SLC9A9: variants seen among roughly 807,000 people sequenced by gnomAD.
SLC9A9 encodes solute carrier family 9 member A9.
In SLC9A9, 62 loss-of-function variants were observed where a neutral mutation model predicts 77.8. That is an observed-to-expected ratio of 0.80 (90% CI 0.65 to 0.98). The LOEUF (loss-of-function observed/expected upper bound fraction) is 0.98, where lower values mean the gene tolerates loss of function less well. Ranked by LOEUF, SLC9A9 falls within the 50% of genes least tolerant of loss-of-function variation. The pLI is 0.00. For synonymous variants in SLC9A9, 320 were observed against 283.5 expected, an observed-to-expected ratio of 1.13 and a Z score of -1.29; for missense variants, 775 against 774.9, an observed-to-expected ratio of 1.00 and a Z score of 0.00.
chr3:143,699,633 C>T (rs954285752), intron 4 of SLC9A9, among the ~76,000 whole-genome samples: 3 of 152,166 alleles, frequency 2.0e-5, no homozygotes, highest in Non-Finnish European at 4.4e-5. Flanking sequence ...AAGTATAAAA[C>T]CAGCCTTAGC....
chr3:143,426,656 A>T (rs909664815), intron 12 of SLC9A9, among the ~76,000 whole-genome samples: 1 of 152,222 alleles, frequency 6.6e-6, no homozygotes, highest in Non-Finnish European at 1.5e-5. Context: ...CTCAGGGTCA[A>T]GTAGGCATTG....
intron 4 of SLC9A9, among the ~76,000 whole-genome samples, chr3:143,757,671 T>G (rs1159730397): frequency 6.6e-6 from 1 of 152,142 alleles, no homozygotes; most frequent in Non-Finnish European, 1.5e-5. Flanking sequence ...CCCCACCTAC[T>G]TATCCAGGGT....
At chr3:143,593,866 A>G (rs1424260573) in intron 6 of SLC9A9, among the ~76,000 whole-genome samples, 1 of 152,230 alleles carries the variant, frequency 6.6e-6, no homozygotes, top group African/African-American at 2.4e-5. Flanking sequence ...TGGGAAAAGT[A>G]TGATAAACCC....
chr3:143,679,456 T>C (rs539730419), intron 5 of SLC9A9, among the ~76,000 whole-genome samples: 1 of 152,352 alleles, frequency 6.6e-6, no homozygotes, highest in African/African-American at 2.4e-5. Context: ...ACCTTGGCAC[T>C]ATTGATATTT....
intron 4 of SLC9A9, among the ~76,000 whole-genome samples, chr3:143,785,142 T>G (rs2008008238): frequency 1.3e-5 from 2 of 152,196 alleles, no homozygotes; most frequent in African/African-American, 4.8e-5. Context: ...TGCCTACCCT[T>G]TTGCAATGTG....
chr3:143,780,293 T>G (rs777168885), intron 4 of SLC9A9, among the ~76,000 whole-genome samples: 1 of 152,062 alleles, frequency 6.6e-6, no homozygotes, highest in Non-Finnish European at 1.5e-5. Context: ...GATAGCCCAA[T>G]TAGTAAAAGG....
At chr3:143,652,125 A>G (rs1242070) in intron 6 of SLC9A9, 130 bp downstream of exon 6, 510,360 of 742,620 alleles carry the variant, frequency 0.69, 177,036 homozygotes, top group African/African-American at 0.83. Context: ...CCATTATGGA[A>G]ATTTTCTGTG....
Position 143,832,222 on chromosome 3 carries a change from C to A in SLC9A9, c.176-1G>T, listed in dbSNP as rs566028488. 3 of 1,605,448 alleles carry A rather than the reference C, an allele frequency of 1.9e-6. No homozygotes were observed. Among genetic ancestry groups the A allele is most frequent in the East Asian group, 2.2e-5 (1 of 44,732 alleles). ...CGTAAAATTAGTCCCATTATAAGGC[C>A]TAAAAAAAAAAGAATAAATAATGGT... On this transcript the variant is annotated splice_acceptor_variant, in intron 1 of 15. Coordinates refer to ENST00000316549, the MANE Select transcript of SLC9A9 (RefSeq NM_173653.4). LOFTEE classifies it high-confidence loss of function.
intron 12 of SLC9A9, among the ~76,000 whole-genome samples, chr3:143,403,505 A>G (rs2033907392): frequency 6.6e-6 from 1 of 152,130 alleles, no homozygotes; most frequent in African/African-American, 2.4e-5. Context: ...CTTTCATTAA[A>G]AAAAACTTCC....
intron 4 of SLC9A9, among the ~76,000 whole-genome samples, chr3:143,717,089 C>A (rs1488935730): frequency 1.3e-5 from 2 of 149,070 alleles, no homozygotes; most frequent in Non-Finnish European, 2.9e-5. Context: ...CATGGCAGAA[C>A]CCCTTCTGGG....
intron 6 of SLC9A9, among the ~76,000 whole-genome samples, chr3:143,586,501 G>A (rs1303751461): frequency 1.3e-5 from 2 of 152,138 alleles, no homozygotes; most frequent in Non-Finnish European, 2.9e-5. Context: ...CAGGTAGGAA[G>A]CAAGTAGATG....
chr3:143,392,690 T>C lies in SLC9A9; in HGVS notation c.1470-10576A>G, dbSNP rs180961727. On this transcript the variant is annotated intron_variant, in intron 12 of 15. Transcript: ENST00000316549. ...AAAGAGTCAAGACCCATCAGTGTGCTGTATTCAGGAGACCCATCTCACGTG... is the reference window on the plus strand; with the variant it reads ...AAAGAGTCAAGACCCATCAGTGTGCCGTATTCAGGAGACCCATCTCACGTG... Among the ~76,000 whole-genome samples the C allele has an allele frequency of 9.2e-5, 14 of 152,340 alleles. No homozygotes were observed. In the East Asian group the frequency reaches 2.7e-3, roughly 29 times the overall value.
chr3:143,516,851 G>A (rs2036210239), intron 9 of SLC9A9, among the ~76,000 whole-genome samples: 1 of 152,102 alleles, frequency 6.6e-6, no homozygotes, highest in African/African-American at 2.4e-5. Flanking sequence ...TCCTTTAAAT[G>A]AGTATATAAT....
At chr3:143,820,334 T>A (rs1576750873) in intron 2 of SLC9A9, among the ~76,000 whole-genome samples, 1 of 152,210 alleles carries the variant, frequency 6.6e-6, no homozygotes, top group South Asian at 2.1e-4. Flanking sequence ...GACAACTAAG[T>A]TTTCTAGATC....
chr3:143,605,897 CAAT>C (rs2037914766), intron 6 of SLC9A9, among the ~76,000 whole-genome samples: 2 of 152,036 alleles, frequency 1.3e-5, no homozygotes, highest in Admixed American at 1.3e-4. Context: ...TAAATTATAA[CAAT>C]GTTTTAAACA....
chr3:143,743,238 G>A (rs1935118603), intron 4 of SLC9A9, among the ~76,000 whole-genome samples: 1 of 132,814 alleles, frequency 7.5e-6, no homozygotes. Context: ...TGGATGGATG[G>A]ATGGATAGAT....
intron 4 of SLC9A9, among the ~76,000 whole-genome samples, chr3:143,763,087 T>C (rs1296555232): frequency 1.3e-5 from 2 of 152,138 alleles, no homozygotes; most frequent in African/African-American, 4.8e-5. Context: ...AGTCCTTATA[T>C]GTCTGTAGAA....
chr3:143,672,562 G>A (rs1333885927), intron 5 of SLC9A9, among the ~76,000 whole-genome samples: 1 of 152,138 alleles, frequency 6.6e-6, no homozygotes, highest in Non-Finnish European at 1.5e-5. Flanking sequence ...TGAAAAATAT[G>A]AGAGACAGCC....
At chr3:143,462,595 C>T (rs888241086) in intron 12 of SLC9A9, among the ~76,000 whole-genome samples, 1 of 152,092 alleles carries the variant, frequency 6.6e-6, no homozygotes, top group Admixed American at 6.5e-5. Context: ...ACAATCTTCT[C>T]CACTTGGCTA....
Sources: allele counts gnomAD v4.1 joint callset (sites outside exome capture counted in the v4.1 genomes callset), GRCh38; gene constraint gnomAD v4.1.1; transcripts MANE v1.5; gene names NCBI Gene and HGNC (gene_info 2026-07-23, HGNC 2026-07-21).